The following TCF3 variants were observed in gnomAD, a reference collection of about 807,000 sequenced individuals.
The protein encoded by TCF3 is transcription factor 3, also known as transcription factor E2-alpha.
TCF3 carries 54 observed loss-of-function variants against 72.3 expected under a neutral mutation model. The observed-to-expected ratio is 0.75, with a 90% CI of 0.60 to 0.94. The LOEUF (loss-of-function observed/expected upper bound fraction) is 0.94. Among genes scored for constraint, TCF3 ranks in the 40% least tolerant of loss-of-function variants. The pLI is 0.00. For missense variants in TCF3, 1,078 were observed against 934.4 expected (o/e 1.15, Z -2.00); for synonymous variants, 525 against 412.6 (o/e 1.27, Z -3.30).
intron 6 of TCF3, among the ~76,000 whole-genome samples, chr19:1,626,018 C>T (rs1885600707): frequency 6.6e-6 from 1 of 152,228 alleles, no homozygotes; most frequent in South Asian, 2.1e-4. Flanking sequence ...AGCGTCTGTG[C>T]ACCCGGCTGC....
At chr19:1,626,366 C>T (rs1359756566) in intron 6 of TCF3, among the ~76,000 whole-genome samples, 2 of 152,082 alleles carry the variant, frequency 1.3e-5, no homozygotes, top group African/African-American at 4.8e-5. Context: ...AGGAGAATCG[C>T]TTGAACCCAG....
intron 3 of TCF3, among the ~76,000 whole-genome samples, chr19:1,642,178 ACACG>A (rs1483759604): frequency 7.4e-5 from 11 of 149,644 alleles, no homozygotes; most frequent in South Asian, 2.2e-4. Context: ...ACGCGTACAC[ACACG>A]CACGCAGACA....
chr19:1,649,886 C>T (rs2066733146), intron 2 of TCF3, among the ~76,000 whole-genome samples: 3 of 152,254 alleles, frequency 2.0e-5, no homozygotes, highest in African/African-American at 7.2e-5. Context: ...TTTGCTTACC[C>T]AGCCAAGCTG....
intron 14 of TCF3, 126 bp downstream of exon 14, chr19:1,619,654 C>T (rs1161623486): frequency 1.0e-5 from 13 of 1,269,172 alleles, no homozygotes; most frequent in Middle Eastern, 2.7e-4. Flanking sequence ...TTGGCGGCCA[C>T]GAGGCCTCAA....
Position 1,627,482 on chromosome 19 carries a change from C to A in TCF3, c.299-56G>T, listed in dbSNP as rs975213796. 28 of 1,519,446 alleles carry A rather than the reference C, an allele frequency of 1.8e-5. No homozygotes were observed. In the Admixed American group the frequency reaches 4.2e-4, roughly 23 times the overall value. 94.1% of individuals were successfully genotyped at this position (1,519,446 alleles called of 1,614,324 possible). A position where few individuals can be genotyped will look rare whatever the true frequency, so the allele number is the denominator to read the frequency against. ...GCGACCCCAAGGAACATCCTGAGGG[C>A]CCCCGAGTGCCTGCCATGTGCCTAC... On this transcript the variant is annotated intron_variant, in intron 5 of 18. Transcript: ENST00000262965.
intron 1 of TCF3, chr19:1,651,125 T>C (rs535607294): frequency 2.6e-5 from 6 of 231,772 alleles, no homozygotes; most frequent in African/African-American, 1.3e-4. Flanking sequence ...CATTCTAAGA[T>C]GGGGGATGGG....
chr19:1,630,592 G>C (rs1423780814), intron 5 of TCF3, among the ~76,000 whole-genome samples: 1 of 152,190 alleles, frequency 6.6e-6, no homozygotes. Context: ...GTGCCCCACA[G>C]CTCCCGGCTT....
intron 18 of TCF3, among the ~76,000 whole-genome samples, chr19:1,613,182 T>C (rs1170535792): frequency 6.6e-6 from 1 of 152,114 alleles, no homozygotes; most frequent in Non-Finnish European, 1.5e-5. Context: ...TGCGTGAAAA[T>C]GTGCTTCTCT....
chr19:1,611,559 T>C lies in TCF3; in HGVS notation c.*148A>G. On this transcript the variant is annotated 3_prime_UTR_variant, in exon 19 of 19. Coordinates refer to ENST00000262965, the MANE Select transcript of TCF3 (RefSeq NM_003200.5). Reference sequence around the variant, plus strand: ...GTGTCACCTTGGCCGCCCCCATCACTCCGAACCTTGTCAGGTTGGTGTTGG... The same window carrying C: ...GTGTCACCTTGGCCGCCCCCATCACCCCGAACCTTGTCAGGTTGGTGTTGG... 5.8e-6 allele frequency: 7 copies of C among 1,200,216 alleles called. No homozygotes were observed. In the South Asian group the frequency reaches 1.1e-4, roughly 19 times the overall value. The allele number at this position is 1,200,216 out of a possible 1,614,324, so 74.3% of individuals were successfully genotyped here. A position where few individuals can be genotyped will look rare whatever the true frequency, so the allele number is the denominator to read the frequency against.
In TCF3 at chr19:1,614,570, G is replaced by C. The variant is rs1258117995; in HGVS notation, c.1822+715C>G. Among the ~76,000 whole-genome samples the C allele has an allele frequency of 6.6e-6, 1 of 152,188 alleles. No individual in the cohort carries two copies. Among genetic ancestry groups the C allele is most frequent in the Non-Finnish European group, 1.5e-5 (1 of 68,022 alleles). On this transcript the variant is annotated intron_variant, in intron 18 of 18. Coordinates refer to ENST00000262965, the MANE Select transcript of TCF3 (RefSeq NM_003200.5). The surrounding 1 kb of genome is among the most constrained non-coding windows in gnomAD (Gnocchi z 5.6). ...CGGAAACCTTAGAGCTGAGGGGATA[G>C]CGTGTGGGCCGGGCCGGGGCTCTGG...
At chr19:1,646,123 G>A (rs2066050367) in intron 3 of TCF3, among the ~76,000 whole-genome samples, 1 of 152,156 alleles carries the variant, frequency 6.6e-6, no homozygotes, top group African/African-American at 2.4e-5. Flanking sequence ...TCCAGGCGCG[G>A]GAGGGACGAG....
intron 10 of TCF3, 35 bp downstream of exon 10, chr19:1,622,019 T>G: frequency 2.7e-6 from 3 of 1,101,372 alleles, no homozygotes; most frequent in South Asian, 1.3e-5. Context: ...ACTGCCACCC[T>G]CCGCCCACCC....
intron 2 of TCF3, among the ~76,000 whole-genome samples, chr19:1,646,652 G>C (rs2066146048): frequency 6.6e-6 from 1 of 152,160 alleles, no homozygotes. Context: ...CGCCCAGAGT[G>C]AGAAAACTCC....
intron 3 of TCF3, among the ~76,000 whole-genome samples, chr19:1,639,099 G>A (rs192786870): frequency 1.3e-5 from 2 of 152,268 alleles, no homozygotes; most frequent in Admixed American, 1.3e-4. Flanking sequence ...GGTGGAGTGC[G>A]GTGGCGCGAT....
At chr19:1,650,084 C>T in intron 2 of TCF3, 93 bp downstream of exon 2, 2 of 1,265,776 alleles carry the variant, frequency 1.6e-6, no homozygotes, top group Non-Finnish European at 2.2e-6. Flanking sequence ...GGCTCCATCG[C>T]TGAAGTATTC....
intron 7 of TCF3, among the ~76,000 whole-genome samples, chr19:1,624,850 A>G (rs1216730264): frequency 6.6e-6 from 1 of 151,816 alleles, no homozygotes; most frequent in African/African-American, 2.4e-5. Context: ...GGGTGATTTC[A>G]CGCTTATTTT....
rs1480268513 is a variant in TCF3, at chr19:1,626,078, CAT to C, written c.367-372_367-371del. 5.9e-5 allele frequency among the ~76,000 whole-genome samples: 9 copies of C among 152,296 alleles called. 1 individual carries two copies. The East Asian group carries it at 1.5e-3, about 26-fold the overall frequency. On this transcript the variant is annotated intron_variant, in intron 6 of 18. Transcript: ENST00000262965. ...GTAAAGCCCTCGGTTGGATTCTGTA[CAT>C]GTTAGTGTGAAACGGGCTTTCTTCC... is the stretch of plus-strand genomic sequence containing the variant.
chr19:1,649,325 C>T (rs2066631863), intron 2 of TCF3, among the ~76,000 whole-genome samples: 1 of 152,266 alleles, frequency 6.6e-6, no homozygotes, highest in African/African-American at 2.4e-5. Flanking sequence ...TTCATGCCCG[C>T]ATCCTCTGCC....
chr19:1,650,787 C>G (rs1016347116), intron 1 of TCF3: 10 of 231,314 alleles, frequency 4.3e-5, no homozygotes, highest in African/African-American at 2.2e-4. Context: ...GACCAGGTCG[C>G]CCCCAAATTC....
Sources: gnomAD v4.1 joint callset for allele counts (sites outside exome capture counted in the v4.1 genomes callset) on GRCh38, gnomAD v4.1.1 for gene constraint, Gnocchi (gnomAD v3.1) non-coding constraint, MANE v1.5 for transcripts, NCBI Gene and HGNC (gene_info 2026-07-23, HGNC 2026-07-21) for gene names.